TENM3: variants seen among roughly 807,000 people sequenced by gnomAD.
TENM3 encodes the protein teneurin-3.
TENM3 carries 63 observed loss-of-function variants against 255.1 expected under a neutral mutation model. The ratio of observed to expected loss-of-function variants is 0.25; its 90% CI spans 0.20 to 0.30. The LOEUF (loss-of-function observed/expected upper bound fraction) is 0.30, where lower values mean the gene tolerates loss of function less well. Among genes scored for constraint, TENM3 ranks in the 10% least tolerant of loss-of-function variants. The pLI is 1.00. For synonymous variants in TENM3, 1,306 were observed against 1,322.3 expected (o/e 0.99, Z 0.27); for missense variants, 2,929 against 3,461.1 (o/e 0.85, Z 3.86).
chr4:181,592,250 A>AACAGAAAC, the TENM3 span, among the ~76,000 whole-genome samples: 58 of 126,834 alleles, frequency 4.6e-4, no homozygotes, highest in Admixed American at 3.5e-3. Context: ...AAGCTGTTTA[A>AACAGAAAC]ACACAAACAC....
At chr4:182,156,901 A>G (rs1247966852) in intron 1 of TENM3, among the ~76,000 whole-genome samples, 1 of 152,202 alleles carries the variant, frequency 6.6e-6, no homozygotes, top group Admixed American at 6.5e-5. Context: ...TCTCAGACTC[A>G]CAGGGAGTTT....
intron 3 of TENM3, among the ~76,000 whole-genome samples, chr4:182,408,340 GAC>G (rs1769734224): frequency 6.6e-6 from 1 of 152,168 alleles, no homozygotes; most frequent in African/African-American, 2.4e-5. Flanking sequence ...GTTCTTCTGT[GAC>G]AATAAAATGT....
At chr4:181,577,308 C>G in the TENM3 span, among the ~76,000 whole-genome samples, 1 of 147,516 alleles carries the variant, frequency 6.8e-6, no homozygotes, top group African/African-American at 2.5e-5. Context: ...CCCAAAGTGC[C>G]GGGATTACAG....
At chr4:181,497,083 C>T in the TENM3 span, among the ~76,000 whole-genome samples, 2 of 152,204 alleles carry the variant, frequency 1.3e-5, no homozygotes, top group East Asian at 3.9e-4. Context: ...ATTTAAGTAG[C>T]TCACGACTTT....
chr4:181,786,600 G>A, the TENM3 span, among the ~76,000 whole-genome samples: 1 of 151,910 alleles, frequency 6.6e-6, no homozygotes, highest in Non-Finnish European at 1.5e-5. Context: ...GTCTGTGTGG[G>A]CGAGGTGAGG....
intron 3 of TENM3, among the ~76,000 whole-genome samples, chr4:182,449,237 C>T (rs56070922): frequency 0.016 from 2,354 of 149,498 alleles, 48 homozygotes; most frequent in African/African-American, 0.043. Context: ...CGGCTCCGCT[C>T]TTCTCCCTTG....
At chr4:181,727,572 A>G in the TENM3 span, among the ~76,000 whole-genome samples, 1 of 152,208 alleles carries the variant, frequency 6.6e-6, no homozygotes, top group Non-Finnish European at 1.5e-5. Flanking sequence ...TAATCTGTTG[A>G]AGAGCATACA....
At chr4:182,014,161 CAT>C in the TENM3 span, among the ~76,000 whole-genome samples, 18 of 145,240 alleles carry the variant, frequency 1.2e-4, no homozygotes, top group East Asian at 1.0e-3. Context: ...TATATATATA[CAT>C]ATATATACAT....
At chr4:182,660,038 G>T (rs1754094312) in intron 6 of TENM3, among the ~76,000 whole-genome samples, 1 of 152,122 alleles carries the variant, frequency 6.6e-6, no homozygotes, top group African/African-American at 2.4e-5. Flanking sequence ...TTCATAGAAT[G>T]GTCTTTGGTC....
At chr4:182,645,945 G>A (rs1392215935) in intron 5 of TENM3, among the ~76,000 whole-genome samples, 1 of 152,116 alleles carries the variant, frequency 6.6e-6, no homozygotes, top group East Asian at 1.9e-4. Flanking sequence ...GCTTATCTGG[G>A]GCCATCTCAG....
chr4:181,649,768 A>G, the TENM3 span, among the ~76,000 whole-genome samples: 6 of 152,194 alleles, frequency 3.9e-5, no homozygotes. Flanking sequence ...CCTGGGGATA[A>G]ATAATGTTTG....
At chr4:182,651,009 C>T (rs190809780) in intron 5 of TENM3, among the ~76,000 whole-genome samples, 387 of 151,444 alleles carry the variant, frequency 2.6e-3, no homozygotes, top group African/African-American at 8.9e-3. Context: ...ATGACATCTG[C>T]GCATGATCCC....
chr4:181,692,152 G>C, the TENM3 span, among the ~76,000 whole-genome samples: 60 of 152,244 alleles, frequency 3.9e-4, no homozygotes, highest in African/African-American at 1.4e-3. Flanking sequence ...AGTTCCCTTG[G>C]AACCATTATG....
chr4:182,131,583 T>C, the TENM3 span, among the ~76,000 whole-genome samples: 1 of 152,210 alleles, frequency 6.6e-6, no homozygotes, highest in African/African-American at 2.4e-5. Context: ...TTTTAAATGC[T>C]GCCTGTAGGA....
At chr4:182,401,551 C>T (rs528467451) in intron 3 of TENM3, among the ~76,000 whole-genome samples, 1 of 152,286 alleles carries the variant, frequency 6.6e-6, no homozygotes, top group South Asian at 2.1e-4. Flanking sequence ...ATGGCACAAA[C>T]CTCCAGTCAT....
At chr4:181,784,059 A>T in the TENM3 span, among the ~76,000 whole-genome samples, 115 of 152,136 alleles carry the variant, frequency 7.6e-4, no homozygotes, top group Non-Finnish European at 1.4e-3. Flanking sequence ...TACTTTTCTT[A>T]TTCTATTGCT....
chr4:182,072,876 A>G, the TENM3 span, among the ~76,000 whole-genome samples: 6 of 152,192 alleles, frequency 3.9e-5, no homozygotes. Context: ...CTAACCCCCA[A>G]CATGACAGTA....
chr4:182,547,292 T>G (rs1405670385), intron 3 of TENM3, among the ~76,000 whole-genome samples: 1 of 152,194 alleles, frequency 6.6e-6, no homozygotes, highest in Non-Finnish European at 1.5e-5. Context: ...ATAGATTTAT[T>G]TCTAAACTAT....
At chr4:182,417,651 G>A (rs1278231968) in intron 3 of TENM3, among the ~76,000 whole-genome samples, 2 of 152,118 alleles carry the variant, frequency 1.3e-5, no homozygotes, top group East Asian at 3.9e-4. Flanking sequence ...TGTCAGACTG[G>A]CATCCTCAAG....
Sources: gnomAD v4.1 joint callset for allele counts (sites outside exome capture counted in the v4.1 genomes callset) on GRCh38, gnomAD v4.1.1 for gene constraint, MANE v1.5 for transcripts, NCBI Gene and HGNC (gene_info 2026-07-23, HGNC 2026-07-21) for gene names.